Variants in LOXHD1 observed in about 807,000 individuals in gnomAD.
LOXHD1 encodes lipoxygenase homology domain-containing protein 1.
LOXHD1 carries 205 observed loss-of-function variants against 248.2 expected under a neutral mutation model. That is an observed-to-expected ratio of 0.83 (90% CI 0.74 to 0.93). The LOEUF (loss-of-function observed/expected upper bound fraction) is 0.93, where lower values mean the gene tolerates loss of function less well. LOXHD1 is among the 40% of genes least tolerant of loss of function. The pLI is 0.00. For missense variants in LOXHD1, 2,930 were observed against 2,971.6 expected, an observed-to-expected ratio of 0.99 and a Z score of 0.33; for synonymous variants, 1,113 against 1,162.8, an observed-to-expected ratio of 0.96 and a Z score of 0.87.
At chr18:46,610,675 G>T in intron 6 of LOXHD1, 101 bp downstream of exon 6, 1 of 1,335,470 alleles carries the variant, frequency 7.5e-7, no homozygotes, top group Non-Finnish European at 1.0e-6. Context: ...GGATGCAGAT[G>T]GACCTAGAGA....
chr18:46,543,576 C>A (rs1431555562), intron 23 of LOXHD1, among the ~76,000 whole-genome samples: 1 of 152,088 alleles, frequency 6.6e-6, no homozygotes, highest in South Asian at 2.1e-4. Context: ...TAACCCCCCA[C>A]CCCCTGACAG....
intron 5 of LOXHD1, 78 bp from the exon 6 acceptor site, chr18:46,611,002 T>C: frequency 6.7e-7 from 1 of 1,500,400 alleles, no homozygotes; most frequent in Non-Finnish European, 8.9e-7. Context: ...GTCCGCCCAC[T>C]GAAAGATGCT....
Position 46,601,352 on chromosome 18 carries a change from G to T in LOXHD1, c.999C>A (p.Phe333Leu), listed in dbSNP as rs760161586. ...ARGNKNSGKI[F>L]LEGGVFDRGR... ...CTCGGTCAAACACGCCGCCCTCCAG[G>T]AAGATTTTCCCACTGTTCTTATTCC... Residue 333 changes from phenylalanine (F) to leucine (L), a missense_variant, in exon 8 of 41, where the codon TTC becomes TTA. Coordinates refer to ENST00000642948, the MANE Select transcript of LOXHD1 (RefSeq NM_001384474.1). 2.2e-5 allele frequency: 34 copies of T among 1,551,732 alleles called. No individual in the cohort carries two copies. Among genetic ancestry groups the T allele is most frequent in the Non-Finnish European group, 2.9e-5 (33 of 1,147,000 alleles).
intron 5 of LOXHD1, 133 bp from the exon 6 acceptor site, chr18:46,611,057 T>A: frequency 1.0e-6 from 1 of 1,001,936 alleles, no homozygotes; most frequent in Admixed American, 2.6e-5. Context: ...ATCTAAGGGC[T>A]CCTTACATCC....
At chr18:46,579,379 G>A (rs149732694) in intron 13 of LOXHD1, among the ~76,000 whole-genome samples, 1 of 152,316 alleles carries the variant, frequency 6.6e-6, no homozygotes, top group African/African-American at 2.4e-5. Context: ...GAGTCCAACA[G>A]GTGTCCATGC....
At chr18:46,540,315 C>T (rs1024565122) in intron 25 of LOXHD1, among the ~76,000 whole-genome samples, 2 of 152,138 alleles carry the variant, frequency 1.3e-5, no homozygotes, top group East Asian at 3.9e-4. Context: ...AAGAGACAGC[C>T]CAGGGAGGTG....
chr18:46,541,622 A>C (rs1280738805), intron 25 of LOXHD1, among the ~76,000 whole-genome samples, 154 bp downstream of exon 25: 2 of 151,572 alleles, frequency 1.3e-5, no homozygotes, highest in Admixed American at 6.5e-5. Flanking sequence ...CACAGCCCCC[A>C]CAGAGTCAGA....
rs116815121 is a variant in LOXHD1, at chr18:46,537,244, T to C, written c.4095+912A>G. On this transcript the variant is annotated intron_variant, in intron 26 of 40. Transcript: ENST00000642948. ...CTAAGAGTGCATATTCCAGAGCCAG[T>C]CCTCCTGGGTTTCAATCCTGCTCCC... Among the ~76,000 whole-genome samples the C allele has an allele frequency of 8.9e-3, 1,354 of 152,300 alleles. 25 individuals carry two copies. The highest frequency in any genetic ancestry group is 0.031 in the African/African-American group (1,285 of 41,556).
At chr18:46,521,837 C>A (rs2035591774) in intron 32 of LOXHD1, among the ~76,000 whole-genome samples, 2 of 152,274 alleles carry the variant, frequency 1.3e-5, no homozygotes, top group Admixed American at 1.3e-4. Context: ...TGTTTTAAGG[C>A]ACTAAGTTTG....
At chr18:46,647,666 C>T (rs1454077168) in intron 2 of LOXHD1, among the ~76,000 whole-genome samples, 1 of 152,166 alleles carries the variant, frequency 6.6e-6, no homozygotes, top group African/African-American at 2.4e-5. Context: ...AGGCAGGTAC[C>T]CTGTTCTGTG....
intron 23 of LOXHD1, 91 bp downstream of exon 23, chr18:46,545,226 A>T: frequency 1.1e-6 from 1 of 902,864 alleles, no homozygotes; most frequent in Non-Finnish European, 1.8e-6. Flanking sequence ...ACAAAAGCAT[A>T]ATTAGGATTC....
At chr18:46,568,230 T>C (rs2037682424) in intron 16 of LOXHD1, among the ~76,000 whole-genome samples, 1 of 152,086 alleles carries the variant, frequency 6.6e-6, no homozygotes, top group South Asian at 2.1e-4. Context: ...ACCATCTCCA[T>C]TTCCACCAAG....
At chr18:46,580,250 C>T (rs1388098882) in intron 12 of LOXHD1, among the ~76,000 whole-genome samples, 2 of 152,208 alleles carry the variant, frequency 1.3e-5, no homozygotes, top group African/African-American at 4.8e-5. Context: ...CATGTTTGCC[C>T]TCAATTCCAT....
chr18:46,650,453 G>A (rs917845160), intron 1 of LOXHD1, among the ~76,000 whole-genome samples: 5 of 152,190 alleles, frequency 3.3e-5, no homozygotes, highest in African/African-American at 9.7e-5. Flanking sequence ...ACAACATTGA[G>A]TGGTTGCTTA....
chr18:46,483,830 G>C, intron 39 of LOXHD1, 85 bp from the exon 40 acceptor site: 1 of 1,461,748 alleles, frequency 6.8e-7, no homozygotes, highest in Non-Finnish European at 9.2e-7. Flanking sequence ...TGCATTCCAA[G>C]CAGTGGGCCA....
chr18:46,559,375 T>G, intron 20 of LOXHD1, 73 bp downstream of exon 20: 3 of 1,550,746 alleles, frequency 1.9e-6, no homozygotes, highest in Non-Finnish European at 2.6e-6. Context: ...TGTGCTGCGA[T>G]GGGCTGCCAT....
chr18:46,610,088 T>A (rs1005878564), intron 6 of LOXHD1, among the ~76,000 whole-genome samples: 3 of 152,130 alleles, frequency 2.0e-5, no homozygotes, highest in African/African-American at 7.2e-5. Flanking sequence ...ATGAATGCTA[T>A]AAGCAAGCAG....
intron 4 of LOXHD1, 79 bp from the exon 5 acceptor site, chr18:46,618,369 C>T (rs2038620322): frequency 2.3e-6 from 2 of 883,092 alleles, no homozygotes; most frequent in African/African-American, 3.4e-5. Flanking sequence ...AGCTACCACA[C>T]CATCTACACT....
intron 32 of LOXHD1, 30 bp downstream of exon 32, chr18:46,522,071 C>A (rs1400829400): frequency 6.7e-7 from 1 of 1,498,358 alleles, no homozygotes; most frequent in Non-Finnish European, 8.9e-7. Context: ...CTAGGGTGGT[C>A]ACTATCATGG....
Sources: allele counts gnomAD v4.1 joint callset (sites outside exome capture counted in the v4.1 genomes callset), GRCh38; gene constraint gnomAD v4.1.1; transcripts MANE v1.5; gene names NCBI Gene and HGNC (gene_info 2026-07-23, HGNC 2026-07-21).